Variants in PLEKHH2 observed in about 807,000 individuals in gnomAD.
The protein encoded by PLEKHH2 is pleckstrin homology domain-containing family H member 2.
PLEKHH2 carries 129 observed loss-of-function variants against 187.9 expected under a neutral mutation model. The ratio of observed to expected loss-of-function variants is 0.69; its 90% confidence interval spans 0.59 to 0.79. The LOEUF (loss-of-function observed/expected upper bound fraction) is 0.79. Ranked by LOEUF, PLEKHH2 falls within the 30% of genes least tolerant of loss-of-function variation. The pLI is 0.00. For synonymous variants in PLEKHH2, 686 were observed against 605.6 expected (o/e 1.13, Z -1.95); for missense variants, 2,076 against 1,751.2 (o/e 1.19, Z -3.31).
chr2:43,660,026 C>T (rs1442354674), intron 2 of PLEKHH2, among the ~76,000 whole-genome samples: 2 of 152,178 alleles, frequency 1.3e-5, no homozygotes, highest in African/African-American at 4.8e-5. Context: ...AATTTCCCTC[C>T]TGCGCCTTTA....
intron 3 of PLEKHH2, among the ~76,000 whole-genome samples, chr2:43,684,559 C>T (rs1215023450): frequency 6.6e-6 from 1 of 152,024 alleles, no homozygotes; most frequent in Non-Finnish European, 1.5e-5. Flanking sequence ...TGCCCCACCC[C>T]AATTCCTTGG....
chr2:43,674,111 A>T (rs1667613650), intron 2 of PLEKHH2, among the ~76,000 whole-genome samples: 1 of 152,236 alleles, frequency 6.6e-6, no homozygotes, highest in Non-Finnish European at 1.5e-5. Flanking sequence ...TCTACTATGT[A>T]GAAAGACCTG....
In PLEKHH2 at chr2:43,752,903, G is replaced by C. The variant is rs988168646; in HGVS notation, c.3654-716G>C. ...TGTAAACTATTTTTGAGCCCCTAAA[G>C]CTGCTTATCAGATTGTGGCCAAAAA... On this transcript the variant is annotated intron_variant, in intron 24 of 29. Coordinates refer to ENST00000282406, the MANE Select transcript of PLEKHH2 (RefSeq NM_172069.4). Among the ~76,000 whole-genome samples, 4 of 152,140 alleles carry C rather than the reference G, an allele frequency of 2.6e-5. No individual in the cohort carries two copies. The South Asian group carries it at 6.2e-4, about 24-fold the overall frequency.
intron 8 of PLEKHH2, among the ~76,000 whole-genome samples, chr2:43,703,744 A>G (rs1160959815): frequency 1.3e-5 from 2 of 152,222 alleles, no homozygotes; most frequent in East Asian, 3.8e-4. Context: ...TTATCAAACA[A>G]AAATGTGGGA....
At chr2:43,743,589 C>T (rs1361275799) in intron 22 of PLEKHH2, among the ~76,000 whole-genome samples, 5 of 152,152 alleles carry the variant, frequency 3.3e-5, no homozygotes, top group Admixed American at 3.3e-4. Flanking sequence ...TAGCTGTCAA[C>T]TGATCATTCT....
intron 2 of PLEKHH2, among the ~76,000 whole-genome samples, chr2:43,668,790 T>G (rs1457496930): frequency 1.3e-5 from 2 of 152,138 alleles, no homozygotes; most frequent in Admixed American, 6.6e-5. Context: ...TTGGGCAACA[T>G]AGTGAGACCC....
chr2:43,764,711 A>G (rs1672557912), intron 29 of PLEKHH2, among the ~76,000 whole-genome samples: 1 of 152,228 alleles, frequency 6.6e-6, no homozygotes, highest in Non-Finnish European at 1.5e-5. Context: ...GCTGCCTGGT[A>G]CTTTATACAC....
intron 16 of PLEKHH2, among the ~76,000 whole-genome samples, chr2:43,724,752 A>G (rs576931560): frequency 1.3e-5 from 2 of 152,182 alleles, no homozygotes; most frequent in South Asian, 2.1e-4. Context: ...GAGACTATGT[A>G]TACACTTGTC....
At chr2:43,669,330 A>G (rs1346995485) in intron 2 of PLEKHH2, among the ~76,000 whole-genome samples, 2 of 152,322 alleles carry the variant, frequency 1.3e-5, no homozygotes, top group East Asian at 3.9e-4. Flanking sequence ...AATGACTGCC[A>G]ATGGGTACAG....
intron 24 of PLEKHH2, among the ~76,000 whole-genome samples, chr2:43,746,366 C>A (rs1377692240): frequency 6.6e-6 from 1 of 152,108 alleles, no homozygotes; most frequent in African/African-American, 2.4e-5. Flanking sequence ...AAAAAATTAG[C>A]CAGGCATGGT....
chr2:43,742,714 G>T, intron 21 of PLEKHH2, 27 bp from the exon 22 acceptor site: 1 of 1,459,124 alleles, frequency 6.9e-7, no homozygotes, highest in Non-Finnish European at 9.1e-7. Context: ...TTTATTCTTA[G>T]ATTTTATCTT....
chr2:43,714,059 G>C (rs1047928800), intron 15 of PLEKHH2, among the ~76,000 whole-genome samples: 2 of 152,168 alleles, frequency 1.3e-5, no homozygotes, highest in African/African-American at 4.8e-5. Flanking sequence ...TACTTTTCCA[G>C]TGAACACACT....
chr2:43,745,551 A>G (rs997109517), intron 23 of PLEKHH2, among the ~76,000 whole-genome samples: 2 of 152,164 alleles, frequency 1.3e-5, no homozygotes, highest in African/African-American at 4.8e-5. Flanking sequence ...TTGCTTCTTC[A>G]GTGACCAAAT....
intron 10 of PLEKHH2, among the ~76,000 whole-genome samples, chr2:43,706,925 C>T (rs1046408983): frequency 3.3e-5 from 5 of 152,138 alleles, no homozygotes; most frequent in African/African-American, 4.8e-5. Flanking sequence ...TGGCTGGGCA[C>T]GGTGGCTCAC....
chr2:43,650,878 C>A (rs1377481600), intron 2 of PLEKHH2, among the ~76,000 whole-genome samples: 4 of 151,752 alleles, frequency 2.6e-5, no homozygotes, highest in African/African-American at 9.7e-5. Context: ...AACTCCTGAC[C>A]TTGTGATCTG....
At chr2:43,709,865 G>T (rs1490029768) in intron 11 of PLEKHH2, 125 bp from the exon 12 acceptor site, 1 of 998,200 alleles carries the variant, frequency 1.0e-6, no homozygotes. Context: ...AAAGGAATGA[G>T]AATAAATCTA....
intron 3 of PLEKHH2, among the ~76,000 whole-genome samples, chr2:43,688,652 A>G (rs1668643184): frequency 6.6e-6 from 1 of 152,238 alleles, no homozygotes; most frequent in Admixed American, 6.5e-5. Context: ...AGAATAACTC[A>G]TGGGACCCAG....
rs1670102063 is a variant in PLEKHH2 at position 43,714,162 on chromosome 2, A to C, written c.2460+1779A>C. ...TATGCATATCAAACCCTGAGAGTTTAAGATGATCCCATGGCTAAGGGTTTA... is the reference window on the plus strand; with the variant it reads ...TATGCATATCAAACCCTGAGAGTTTCAGATGATCCCATGGCTAAGGGTTTA... On this transcript the variant is annotated intron_variant, in intron 15 of 29. Coordinates refer to ENST00000282406, the MANE Select transcript of PLEKHH2 (RefSeq NM_172069.4). Among the ~76,000 whole-genome samples, 3 of 152,352 alleles carry C rather than the reference A, an allele frequency of 2.0e-5. No homozygotes were observed. The South Asian group carries it at 6.2e-4, about 32-fold the overall frequency.
At chr2:43,719,967 A>G (rs1252704189) in intron 15 of PLEKHH2, among the ~76,000 whole-genome samples, 5 of 152,208 alleles carry the variant, frequency 3.3e-5, no homozygotes, top group African/African-American at 1.2e-4. Flanking sequence ...GGAAACTATG[A>G]AATATACTTA....
Sources: gnomAD v4.1 joint callset for allele counts (sites outside exome capture counted in the v4.1 genomes callset) on GRCh38, gnomAD v4.1.1 for gene constraint, MANE v1.5 for transcripts, NCBI Gene and HGNC (gene_info 2026-07-23, HGNC 2026-07-21) for gene names.